SASH1: variants seen among roughly 807,000 people sequenced by gnomAD.
The protein encoded by SASH1 is SAM and SH3 domain containing 1, also known as SAM and SH3 domain-containing protein 1.
A neutral mutation model predicts 125.2 loss-of-function variants in SASH1; 44 were observed. That is an observed-to-expected ratio of 0.35 (90% CI 0.28 to 0.45). The LOEUF is 0.45. SASH1 is among the 20% of genes least tolerant of loss of function. The pLI is 1.00. For missense variants in SASH1, 1,426 were observed against 1,614.5 expected (o/e 0.88, Z 2.00); for synonymous variants, 639 against 649.1 (o/e 0.98, Z 0.24).
At chr6:148,443,328 C>T (rs915014597) in intron 4 of SASH1, among the ~76,000 whole-genome samples, 1 of 146,788 alleles carries the variant, frequency 6.8e-6, no homozygotes, top group African/African-American at 2.5e-5. Flanking sequence ...ATCGGGGGCC[C>T]GTGATGTCCG....
upstream of SASH1, among the ~76,000 whole-genome samples, chr6:148,268,083 G>A (rs1245713378): frequency 6.6e-6 from 1 of 152,156 alleles, no homozygotes; most frequent in Non-Finnish European, 1.5e-5. Context: ...CAGCCTCTCA[G>A]TTCCGTTTAG....
chr6:148,365,539 A>G (rs563150320), intron 1 of SASH1, among the ~76,000 whole-genome samples: 72 of 152,138 alleles, frequency 4.7e-4, no homozygotes, highest in Non-Finnish European at 8.7e-4. Flanking sequence ...TGCCCACCTC[A>G]TGACCATATT....
chr6:148,241,706 C>T, the SASH1 span, among the ~76,000 whole-genome samples: 5 of 152,146 alleles, frequency 3.3e-5, no homozygotes, highest in African/African-American at 7.2e-5. Context: ...TCTGGAGCCA[C>T]GCAATTGGGG....
In SASH1 at chr6:148,468,243, C is replaced by T. The variant is rs1331330102; in HGVS notation, c.387-302C>T. Among the ~76,000 whole-genome samples the T allele has an allele frequency of 2.0e-5, 3 of 152,202 alleles. No homozygotes were observed. In the East Asian group the frequency reaches 5.8e-4, roughly 29 times the overall value. Reference sequence around the variant, plus strand: ...AGACTTCCCAATGGCAGTAACTTCACTTGTATTAGTAGTTCACAGAATGAA... The same window carrying T: ...AGACTTCCCAATGGCAGTAACTTCATTTGTATTAGTAGTTCACAGAATGAA... On this transcript the variant is annotated intron_variant, in intron 4 of 19. Coordinates refer to ENST00000367467, the MANE Select transcript of SASH1 (RefSeq NM_015278.5).
chr6:148,219,889 C>T, the SASH1 span, among the ~76,000 whole-genome samples: 1 of 152,072 alleles, frequency 6.6e-6, no homozygotes, highest in Non-Finnish European at 1.5e-5. Context: ...GGGAGTGTGA[C>T]ATGCAAAATG....
chr6:148,518,217 C>A (rs529504055), intron 9 of SASH1, among the ~76,000 whole-genome samples: 1 of 152,266 alleles, frequency 6.6e-6, no homozygotes, highest in South Asian at 2.1e-4. Flanking sequence ...AACCCCGAAT[C>A]CTGCCTTTAA....
At position 148,273,338 on chromosome 6, in the gene SASH1, G is replaced by A. The variant is rs997151293; in HGVS notation, n.74+961G>A. Among the ~76,000 whole-genome samples the A allele has an allele frequency of 6.8e-4, 96 of 142,142 alleles. 1 individual carries two copies. The highest frequency in any genetic ancestry group is 3.8e-4 in the Non-Finnish European group (25 of 66,566). 93.3% of individuals were successfully genotyped at this position (142,142 alleles called of 152,430 possible). A position where few individuals can be genotyped will look rare whatever the true frequency, so the allele number is the denominator to read the frequency against. On this transcript the variant is annotated intron_variant and non_coding_transcript_variant, in intron 1 of 3. Transcript: ENST00000367469. ...AGACAGAGTCTCCCTCTGTCATCCA[G>A]GCTGGAGTGCTGTGGTGTAATGTCA...
chr6:148,521,836 C>T (rs993944334), intron 10 of SASH1, among the ~76,000 whole-genome samples: 4 of 152,192 alleles, frequency 2.6e-5, no homozygotes, highest in African/African-American at 9.7e-5. Flanking sequence ...CTTGATAGAA[C>T]AGACGCACTT....
the SASH1 span, among the ~76,000 whole-genome samples, chr6:148,195,115 C>T: frequency 6.6e-6 from 1 of 152,168 alleles, no homozygotes; most frequent in Non-Finnish European, 1.5e-5. Flanking sequence ...TTATTTCACT[C>T]GTTTACTTAG....
At chr6:148,520,582 T>C (rs1250936405) in intron 10 of SASH1, among the ~76,000 whole-genome samples, 5 of 152,128 alleles carry the variant, frequency 3.3e-5, no homozygotes, top group Non-Finnish European at 7.4e-5. Flanking sequence ...ATTTCTCCTC[T>C]TGTCAGATGA....
chr6:148,271,842 G>A (rs541546208), upstream of SASH1, among the ~76,000 whole-genome samples: 3 of 152,232 alleles, frequency 2.0e-5, no homozygotes, highest in African/African-American at 4.8e-5. Context: ...CTTTTCTTGA[G>A]CCAAGAAAAC....
intron 1 of SASH1, among the ~76,000 whole-genome samples, chr6:148,368,599 A>C (rs1307132287): frequency 6.6e-6 from 1 of 152,188 alleles, no homozygotes; most frequent in East Asian, 1.9e-4. Flanking sequence ...GCCATGTGGC[A>C]GTGGACATGG....
the SASH1 span, among the ~76,000 whole-genome samples, chr6:148,252,321 CG>C: frequency 3.9e-5 from 6 of 152,014 alleles, no homozygotes; most frequent in African/African-American, 1.4e-4. Flanking sequence ...CTATAACAAG[CG>C]AATTCTGATT....
chr6:148,468,234 G>A lies in SASH1; in HGVS notation c.387-311G>A, dbSNP rs17642099. ...TTACACAAGAGACTTCCCAATGGCA[G>A]TAACTTCACTTGTATTAGTAGTTCA... On this transcript the variant is annotated intron_variant, in intron 4 of 19. Transcript: ENST00000367467. 0.087 allele frequency among the ~76,000 whole-genome samples: 13,263 copies of A among 152,258 alleles called. 753 individuals are homozygous for A. Among genetic ancestry groups the A allele is most frequent in the Non-Finnish European group, 0.13 (8,718 of 68,014 alleles).
At chr6:148,271,264 T>C (rs1045132400), upstream of SASH1, among the ~76,000 whole-genome samples, 3 of 152,150 alleles carry the variant, frequency 2.0e-5, no homozygotes, top group Non-Finnish European at 4.4e-5. Flanking sequence ...TGTTAGCACA[T>C]TCCTAAGCTA....
intron 1 of SASH1, among the ~76,000 whole-genome samples, chr6:148,387,507 TTC>T (rs1216264755): frequency 9.3e-4 from 129 of 138,712 alleles, no homozygotes; most frequent in African/African-American, 3.3e-3. Context: ...TTCTCTCTCT[TTC>T]TTTTTCCTTC....
At chr6:148,486,213 C>G (rs868602144) in intron 7 of SASH1, among the ~76,000 whole-genome samples, 12 of 152,206 alleles carry the variant, frequency 7.9e-5, no homozygotes, top group African/African-American at 2.4e-4. Context: ...CTCTGCCTCC[C>G]AGGTTCAAGC....
intron 2 of SASH1, among the ~76,000 whole-genome samples, chr6:148,418,645 A>T (rs192680877): frequency 2.0e-4 from 30 of 152,080 alleles, no homozygotes; most frequent in African/African-American, 7.0e-4. Flanking sequence ...TTAGATACTT[A>T]CTCTGAACCA....
intron 10 of SASH1, among the ~76,000 whole-genome samples, chr6:148,523,757 C>T (rs1780956416): frequency 6.6e-6 from 1 of 152,106 alleles, no homozygotes; most frequent in South Asian, 2.1e-4. Context: ...AAGCTCCAGC[C>T]CTGTATTTGC....
Sources: gnomAD v4.1 joint callset for allele counts (sites outside exome capture counted in the v4.1 genomes callset) on GRCh38, gnomAD v4.1.1 for gene constraint, MANE v1.5 for transcripts, NCBI Gene and HGNC (gene_info 2026-07-23, HGNC 2026-07-21) for gene names.